UTRN: variants seen among roughly 807,000 people sequenced by gnomAD.
UTRN encodes utrophin.
UTRN carries 283 observed loss-of-function variants against 463.9 expected under a neutral mutation model. The ratio of observed to expected loss-of-function variants is 0.61; its 90% CI spans 0.55 to 0.67. The LOEUF (loss-of-function observed/expected upper bound fraction) is 0.67, where lower values mean the gene tolerates loss of function less well. UTRN is among the 30% of genes least tolerant of loss of function. The pLI, the probability that UTRN is intolerant of heterozygous loss-of-function variation, is 0.00. For missense variants in UTRN, 3,922 were observed against 4,084.3 expected, an observed-to-expected ratio of 0.96 and a Z score of 1.08; for synonymous variants, 1,442 against 1,431.5, an observed-to-expected ratio of 1.01 and a Z score of -0.17.
At chr6:144,744,024 A>G (rs1300958006) in intron 54 of UTRN, among the ~76,000 whole-genome samples, 1 of 150,056 alleles carries the variant, frequency 6.7e-6, no homozygotes, top group Non-Finnish European at 1.5e-5. Flanking sequence ...GCGGTGGCTT[A>G]TGCCTGTAAT....
intron 43 of UTRN, among the ~76,000 whole-genome samples, chr6:144,534,177 G>T (rs968974584): frequency 6.6e-6 from 1 of 152,142 alleles, no homozygotes; most frequent in African/African-American, 2.4e-5. Flanking sequence ...TATTTTGTGT[G>T]TTTTGGTAAG....
At position 144,403,147 on chromosome 6, in the gene UTRN, A is replaced by T; in HGVS notation, c.104A>T (p.Lys35Ile). The change falls in exon 3 of 75, where the codon AAA (lysine) becomes ATA (isoleucine). Residue 35 changes from lysine to isoleucine, a missense_variant. This residue lies in a region of UTRN where 264 missense variants were observed against 327.9 expected (regional missense o/e 0.81). Transcript: ENST00000367545. ...RSDEHNDVQKKTFTKWINARF... is the reference protein window; with the variant it reads ...RSDEHNDVQKITFTKWINARF... Reference sequence around the variant, plus strand: ...GATGAACACAATGACGTACAGAAGAAAACCTTTACCAAATGGATAAATGCT... The same window carrying T: ...GATGAACACAATGACGTACAGAAGATAACCTTTACCAAATGGATAAATGCT... 6.2e-7 allele frequency: 1 copy of T among 1,613,696 alleles called. No individual in the cohort carries two copies. The highest frequency in any genetic ancestry group is 8.5e-7 in the Non-Finnish European group (1 of 1,179,822).
intron 54 of UTRN, among the ~76,000 whole-genome samples, chr6:144,745,955 A>G (rs1790690560): frequency 6.6e-6 from 1 of 151,396 alleles, no homozygotes; most frequent in African/African-American, 2.4e-5. Flanking sequence ...TTATATTTAT[A>G]TAAAATATAT....
intron 2 of UTRN, among the ~76,000 whole-genome samples, chr6:144,380,988 CTT>C (rs879862142): frequency 6.9e-6 from 1 of 145,088 alleles, no homozygotes; most frequent in Admixed American, 6.9e-5. Flanking sequence ...TTTTTTCTTT[CTT>C]TTTTTTTTTC....
At chr6:144,731,774 T>G (rs1788551966) in intron 54 of UTRN, among the ~76,000 whole-genome samples, 1 of 152,192 alleles carries the variant, frequency 6.6e-6, no homozygotes, top group Non-Finnish European at 1.5e-5. Context: ...TCTTTCCAGT[T>G]AGCCTCCTAC....
rs1586548824 is a variant in UTRN, at chr6:144,782,099, A to C, written c.8810A>C (p.Asn2937Thr). ...NVPLCVDMCL[N>T]WLLNVYDTGR... The stretch of plus-strand genomic sequence containing the variant: ...CCACTCTGTGTTGATATGTGTCTCA[A>C]TTGGTTGCTCAATGTCTATGACACG... The change falls in exon 61 of 75, where the codon AAT becomes ACT. Residue 2937 changes from asparagine (N) to threonine (T), a missense_variant. Coordinates refer to ENST00000367545, the MANE Select transcript of UTRN (RefSeq NM_007124.3). The C allele has an allele frequency of 1.9e-6, 3 of 1,611,342 alleles. No individual in the cohort carries two copies. Among genetic ancestry groups the C allele is most frequent in the Non-Finnish European group, 2.5e-6 (3 of 1,178,102 alleles).
chr6:144,732,295 T>TACACAC (rs200581460), intron 54 of UTRN, among the ~76,000 whole-genome samples: 1 of 119,014 alleles, frequency 8.4e-6, no homozygotes, highest in African/African-American at 3.1e-5. Context: ...TATATATATA[T>TACACAC]ACACATATAT....
chr6:144,399,293 C>T (rs1782727020), intron 2 of UTRN, among the ~76,000 whole-genome samples: 1 of 151,944 alleles, frequency 6.6e-6, no homozygotes, highest in South Asian at 2.1e-4. Flanking sequence ...AACAAGAGAG[C>T]ATAATGGCAT....
At chr6:144,748,734 A>G (rs905571212) in intron 55 of UTRN, among the ~76,000 whole-genome samples, 6 of 152,290 alleles carry the variant, frequency 3.9e-5, no homozygotes, top group South Asian at 2.1e-4. Flanking sequence ...TGCAACTTTT[A>G]TGATAATTTA....
chr6:144,592,282 A>G (rs1803159860), intron 51 of UTRN, among the ~76,000 whole-genome samples: 2 of 152,216 alleles, frequency 1.3e-5, no homozygotes, highest in South Asian at 2.1e-4. Context: ...TACATCATTA[A>G]GTGCATCCTG....
intron 2 of UTRN, among the ~76,000 whole-genome samples, chr6:144,346,914 T>TATCTATC (rs1562275427): frequency 8.2e-4 from 123 of 149,856 alleles, no homozygotes; most frequent in African/African-American, 2.9e-3. Context: ...ATCATCTATC[T>TATCTATC]ATCTATCGAT....
In UTRN at chr6:144,514,235, A is replaced by C. The variant is rs149409178; in HGVS notation, c.5073+198A>C. 1.2e-3 allele frequency among the ~76,000 whole-genome samples: 188 copies of C among 152,326 alleles called. 1 individual carries two copies. Among genetic ancestry groups the C allele is most frequent in the Middle Eastern group, 0.01 (3 of 294 alleles). The stretch of plus-strand genomic sequence containing the variant: ...CTTGAAATTGAAAGACTTGTAAGAG[A>C]TTTCAGCACAATCAACCGGAGTAAG... On this transcript the variant is annotated intron_variant, in intron 36 of 74. Coordinates refer to ENST00000367545, the MANE Select transcript of UTRN (RefSeq NM_007124.3).
chr6:144,498,742 C>A (rs1324498425), intron 33 of UTRN, among the ~76,000 whole-genome samples: 2 of 151,970 alleles, frequency 1.3e-5, no homozygotes, highest in African/African-American at 4.8e-5. Flanking sequence ...GCAGCCCCAG[C>A]CTCCAGGGCT....
At chr6:144,822,760 G>C (rs967054104) in intron 66 of UTRN, among the ~76,000 whole-genome samples, 6 of 149,112 alleles carry the variant, frequency 4.0e-5, no homozygotes, top group African/African-American at 1.2e-4. Flanking sequence ...TTAGGATAAA[G>C]ACAAAATTGT....
intron 3 of UTRN, 59 bp from the exon 4 acceptor site, chr6:144,421,819 A>G (rs1289430980): frequency 8.0e-6 from 11 of 1,373,890 alleles, no homozygotes; most frequent in Admixed American, 2.0e-5. Flanking sequence ...TTGCCCAGGT[A>G]TATATGGAGT....
chr6:144,368,546 C>T (rs758142540), intron 2 of UTRN, among the ~76,000 whole-genome samples: 6 of 151,976 alleles, frequency 3.9e-5, no homozygotes, highest in Non-Finnish European at 5.9e-5. Flanking sequence ...CCGAGGTAGG[C>T]GGATTGCCTG....
intron 54 of UTRN, among the ~76,000 whole-genome samples, chr6:144,744,560 C>G (rs1790487009): frequency 6.8e-6 from 1 of 147,922 alleles, no homozygotes; most frequent in South Asian, 2.1e-4. Flanking sequence ...TTGGCCAGTT[C>G]AATGGGAAGA....
chr6:144,417,213 C>T (rs568175601), intron 3 of UTRN, among the ~76,000 whole-genome samples: 2 of 152,272 alleles, frequency 1.3e-5, no homozygotes, highest in South Asian at 4.1e-4. Context: ...CCACCCACTC[C>T]AGTGATTAAA....
intron 53 of UTRN, among the ~76,000 whole-genome samples, chr6:144,724,137 A>G (rs1380109607): frequency 6.6e-6 from 1 of 151,518 alleles, no homozygotes; most frequent in South Asian, 2.1e-4. Context: ...CTGTATCATA[A>G]TATTTACCCA....
Sources: gnomAD v4.1 joint callset for allele counts (sites outside exome capture counted in the v4.1 genomes callset) on GRCh38, gnomAD v4.1.1 for gene constraint, gnomAD v4.1.1 regional missense constraint, MANE v1.5 for transcripts, NCBI Gene and HGNC (gene_info 2026-07-23, HGNC 2026-07-21) for gene names.